Variants in TMED5 observed in about 807,000 individuals in gnomAD.
TMED5 encodes the protein transmembrane emp24 domain-containing protein 5.
A neutral mutation model predicts 23.0 loss-of-function variants in TMED5; 27 were observed. The ratio of observed to expected loss-of-function variants is 1.17; its 90% CI spans 0.86 to 1.62. TMED5 has a LOEUF of 1.62. Ranked by LOEUF, TMED5 falls within the 40% of genes most tolerant of loss-of-function variation. TMED5 has a pLI of 0.00. For synonymous variants in TMED5, 97 were observed against 100.8 expected (o/e 0.96, Z 0.23); for missense variants, 248 against 273.7 (o/e 0.91, Z 0.66).
At chr1:93,179,854 T>C (rs1649215360) in intron 1 of TMED5, 200 bp downstream of exon 1, 1 of 542,072 alleles carries the variant, frequency 1.8e-6, no homozygotes. Context: ...CAATTCCAGG[T>C]CCAGCCTAAG....
intron 1 of TMED5, among the ~76,000 whole-genome samples, chr1:93,170,361 G>GCGGC (rs974103090): frequency 5.3e-5 from 8 of 152,208 alleles, no homozygotes; most frequent in African/African-American, 9.6e-5. Flanking sequence ...CGCACTGGGA[G>GCGGC]CGGCCGGCCG....
At chr1:93,159,950 TAGAA>T (rs1197052505) in intron 2 of TMED5, among the ~76,000 whole-genome samples, 175 bp downstream of exon 2, 2 of 152,152 alleles carry the variant, frequency 1.3e-5, no homozygotes. Context: ...TAAACAAAAA[TAGAA>T]AGGTTAATGG....
intron 1 of TMED5, among the ~76,000 whole-genome samples, chr1:93,167,800 C>T (rs553756106): frequency 3.3e-5 from 5 of 152,182 alleles, no homozygotes; most frequent in African/African-American, 1.2e-4. Context: ...GTTGAATGAC[C>T]GTGGTGAAAG....
chr1:93,177,295 C>T (rs372675553), intron 1 of TMED5, among the ~76,000 whole-genome samples: 18 of 151,958 alleles, frequency 1.2e-4, no homozygotes, highest in East Asian at 9.7e-4. Context: ...AGGAATAGTC[C>T]CAGCCGGGCG....
chr1:93,170,168 C>CA (rs1648661399), intron 1 of TMED5, among the ~76,000 whole-genome samples: 1 of 152,248 alleles, frequency 6.6e-6, no homozygotes, highest in African/African-American at 2.4e-5. Flanking sequence ...ACTCTGGCCA[C>CA]GCCTGAGGAG....
chr1:93,173,903 A>C (rs946296203), intron 1 of TMED5, among the ~76,000 whole-genome samples: 1 of 152,206 alleles, frequency 6.6e-6, no homozygotes, highest in Non-Finnish European at 1.5e-5. Context: ...AAGGTGTGGA[A>C]GAGTTCACAT....
At chr1:93,169,223 T>A (rs1259050767) in intron 1 of TMED5, among the ~76,000 whole-genome samples, 1 of 152,166 alleles carries the variant, frequency 6.6e-6, no homozygotes, top group Non-Finnish European at 1.5e-5. Flanking sequence ...ATTTGTGCTG[T>A]CAGACCACAG....
chr1:93,150,339 T>C lies in TMED5; in HGVS notation c.*4331A>G, dbSNP rs1355567573. The C allele has an allele frequency of 1.3e-5, 2 of 152,238 alleles. No homozygotes were observed. Among genetic ancestry groups the C allele is most frequent in the African/African-American group, 4.8e-5 (2 of 41,458 alleles). 9.4% of individuals were successfully genotyped at this position (152,238 alleles called of 1,614,324 possible). A position where few individuals can be genotyped will look rare whatever the true frequency, so the allele number is the denominator to read the frequency against. On this transcript the variant is annotated 3_prime_UTR_variant, in exon 4 of 4. Coordinates refer to ENST00000370282, the MANE Select transcript of TMED5 (RefSeq NM_016040.5). ...TATTACTATTTAGTATTCCATGGTG[T>C]GGACATACTAAACCATTCACTCTTT...
intron 1 of TMED5, chr1:93,161,853 A>G (rs763014415): frequency 3.9e-5 from 6 of 152,182 alleles, no homozygotes; most frequent in Non-Finnish European, 5.9e-5. Flanking sequence ...TTATAACTCC[A>G]AGGGTACTGG....
intron 1 of TMED5, among the ~76,000 whole-genome samples, chr1:93,177,304 C>T (rs938842347): frequency 2.0e-5 from 3 of 152,024 alleles, no homozygotes; most frequent in African/African-American, 4.8e-5. Context: ...CCCAGCCGGG[C>T]GCGGTGGCTC....
At chr1:93,175,962 G>T (rs1026555679) in intron 1 of TMED5, among the ~76,000 whole-genome samples, 1 of 152,106 alleles carries the variant, frequency 6.6e-6, no homozygotes, top group Non-Finnish European at 1.5e-5. Context: ...AATATATAGT[G>T]GGGAGCAGGT....
At chr1:93,156,081 G>A (rs931858118) in intron 3 of TMED5, 1 of 1,453,812 alleles carries the variant, frequency 6.9e-7, no homozygotes, top group Admixed American at 2.5e-5. Flanking sequence ...TTTATAATAG[G>A]GTCCTGGAAG....
intron 1 of TMED5, 99 bp downstream of exon 1, chr1:93,179,955 C>A (rs552434837): frequency 7.5e-7 from 1 of 1,337,436 alleles, no homozygotes; most frequent in South Asian, 1.4e-5. Context: ...CGCCTCTTCA[C>A]CACCAGGGCC....
intron 1 of TMED5, among the ~76,000 whole-genome samples, chr1:93,172,221 A>G (rs1648753820): frequency 6.6e-6 from 1 of 152,184 alleles, no homozygotes; most frequent in Admixed American, 6.5e-5. Context: ...CTAATGTAAT[A>G]CAACAAGAAA....
In TMED5 at chr1:93,179,703, G is replaced by A. The variant is rs1278822006; in HGVS notation, c.189+351C>T. On this transcript the variant is annotated intron_variant, in intron 1 of 3. Transcript: ENST00000370282. ...ATGAAGGAGAACGTGTATCAGTTCT[G>A]CATTGTGAAATTCTCAGTATGAGAG... 5.9e-5 allele frequency among the ~76,000 whole-genome samples: 9 copies of A among 152,262 alleles called. 1 individual carries two copies. The highest frequency in any genetic ancestry group is 2.2e-4 in the African/African-American group (9 of 41,470).
chr1:93,166,270 G>T (rs1648501939), intron 1 of TMED5, among the ~76,000 whole-genome samples: 1 of 152,206 alleles, frequency 6.6e-6, no homozygotes, highest in Non-Finnish European at 1.5e-5. Flanking sequence ...CTTTCTTTTG[G>T]GTATATACCC....
chr1:93,158,969 G>T, intron 2 of TMED5: 2 of 463,278 alleles, frequency 4.3e-6, no homozygotes, highest in Non-Finnish European at 5.7e-6. Flanking sequence ...TTTAGTAATA[G>T]CTTATGCAAA....
intron 1 of TMED5, chr1:93,161,284 T>C (rs1235764908): frequency 2.0e-5 from 3 of 152,114 alleles, no homozygotes; most frequent in African/African-American, 7.2e-5. Flanking sequence ...ACAGCATTAA[T>C]TCATCTAGGC....
chr1:93,163,981 C>CA (rs564350861), intron 1 of TMED5, among the ~76,000 whole-genome samples: 1,427 of 55,800 alleles, frequency 0.026, 26 homozygotes, highest in East Asian at 0.071. Context: ...GACTCCATCT[C>CA]AAAAAAAAAA....
Sources: gnomAD v4.1 joint callset for allele counts (sites outside exome capture counted in the v4.1 genomes callset) on GRCh38, gnomAD v4.1.1 for gene constraint, MANE v1.5 for transcripts, NCBI Gene and HGNC (gene_info 2026-07-23, HGNC 2026-07-21) for gene names.